Variants in NRXN1 observed in about 807,000 individuals in gnomAD.
NRXN1 encodes neurexin 1.
Under a neutral mutation model 150.9 loss-of-function variants are expected in NRXN1, and 39 were observed. That is an observed-to-expected ratio of 0.26 (90% CI 0.20 to 0.34). The LOEUF (loss-of-function observed/expected upper bound fraction) is 0.34, where lower values mean the gene tolerates loss of function less well. NRXN1 is among the 10% of genes least tolerant of loss of function. NRXN1 has a pLI of 1.00. For missense variants in NRXN1, 1,815 were observed against 1,949.9 expected (o/e 0.93, Z 1.30); for synonymous variants, 924 against 757.0 (o/e 1.22, Z -3.62).
At chr2:50,506,087 C>A (rs941766401) in intron 13 of NRXN1, among the ~76,000 whole-genome samples, 6 of 151,996 alleles carry the variant, frequency 3.9e-5, no homozygotes, top group Non-Finnish European at 7.4e-5. Context: ...GATAGATAAA[C>A]GCCAGTATAT....
At chr2:50,913,903 A>G (rs62142973) in intron 5 of NRXN1, among the ~76,000 whole-genome samples, 11,428 of 151,880 alleles carry the variant, frequency 0.075, 485 homozygotes, top group South Asian at 0.11. Flanking sequence ...GAAAACAACC[A>G]TTCTGAAAAG....
In NRXN1 at chr2:50,067,471, A is replaced by C. The variant is rs549904527; in HGVS notation, c.3719-12427T>G. On this transcript the variant is annotated intron_variant, in intron 19 of 22. Coordinates refer to ENST00000401669, the MANE Select transcript of NRXN1 (RefSeq NM_001330078.2). Reference sequence around the variant, plus strand: ...TTAAATTTTCTTCCCTACACCTTTAAATGCTGTTTGTTTCCCATTGCAAAG... The same window carrying C: ...TTAAATTTTCTTCCCTACACCTTTACATGCTGTTTGTTTCCCATTGCAAAG... Among the ~76,000 whole-genome samples the C allele has an allele frequency of 2.0e-5, 3 of 152,346 alleles. No individual in the cohort carries two copies. In the East Asian group the frequency reaches 5.8e-4, roughly 29 times the overall value.
intron 5 of NRXN1, among the ~76,000 whole-genome samples, chr2:50,873,415 T>C (rs2106110674): frequency 6.6e-6 from 1 of 151,964 alleles, no homozygotes; most frequent in Admixed American, 6.6e-5. Flanking sequence ...ATTATAACAT[T>C]CTATAATGAA....
intron 21 of NRXN1, among the ~76,000 whole-genome samples, chr2:50,001,690 G>C (rs552423125): frequency 8.5e-5 from 13 of 152,140 alleles, no homozygotes; most frequent in Admixed American, 3.9e-4. Flanking sequence ...ATAAATAAGA[G>C]ATTGGCACAT....
chr2:50,517,380 T>C (rs964324461), intron 12 of NRXN1, among the ~76,000 whole-genome samples: 3 of 148,430 alleles, frequency 2.0e-5, no homozygotes, highest in Non-Finnish European at 3.0e-5. Context: ...TAAGTATTTG[T>C]TGAATGGGTT....
chr2:50,251,058 G>A (rs7577177), intron 17 of NRXN1, among the ~76,000 whole-genome samples: 19,216 of 150,748 alleles, frequency 0.13, 1,341 homozygotes, highest in African/African-American at 0.16. Flanking sequence ...TGTTGTATAT[G>A]TATTACATAT....
At chr2:50,845,056 A>G (rs1384087467) in intron 5 of NRXN1, among the ~76,000 whole-genome samples, 2 of 151,606 alleles carry the variant, frequency 1.3e-5, no homozygotes, top group African/African-American at 2.4e-5. Flanking sequence ...AGGCTCCCCC[A>G]TATTGCCCAG....
intron 17 of NRXN1, among the ~76,000 whole-genome samples, chr2:50,253,791 A>C (rs751135379): frequency 3.3e-5 from 5 of 152,014 alleles, no homozygotes; most frequent in Non-Finnish European, 7.4e-5. Context: ...AAGCTTTTTG[A>C]TGTGCTGCTG....
intron 19 of NRXN1, among the ~76,000 whole-genome samples, chr2:50,080,028 G>A (rs1419785897): frequency 6.6e-6 from 1 of 152,060 alleles, no homozygotes; most frequent in African/African-American, 2.4e-5. Flanking sequence ...ATGCCATTCT[G>A]AGTAGCAAGA....
At chr2:50,892,590 A>G (rs992141971) in intron 5 of NRXN1, among the ~76,000 whole-genome samples, 1 of 152,172 alleles carries the variant, frequency 6.6e-6, no homozygotes, top group African/African-American at 2.4e-5. Flanking sequence ...GATAGTTGCA[A>G]TTGTCCAATC....
intron 17 of NRXN1, among the ~76,000 whole-genome samples, chr2:50,463,423 T>A (rs182228507): frequency 6.6e-6 from 1 of 151,774 alleles, no homozygotes; most frequent in Non-Finnish European, 1.5e-5. Context: ...GAAAACCCAC[T>A]AACAGGTAAT....
intron 5 of NRXN1, among the ~76,000 whole-genome samples, chr2:50,734,424 T>C (rs1043587230): frequency 6.6e-6 from 1 of 152,300 alleles, no homozygotes. Context: ...ATAAAATGAC[T>C]AACATGAAAC....
chr2:50,102,440 G>C (rs1001634869), intron 18 of NRXN1, among the ~76,000 whole-genome samples: 3 of 151,960 alleles, frequency 2.0e-5, no homozygotes. Context: ...AACACATGAA[G>C]TTCAGTATTC....
At chr2:50,268,658 T>C (rs115515842) in intron 17 of NRXN1, among the ~76,000 whole-genome samples, 3,583 of 152,266 alleles carry the variant, frequency 0.024, 139 homozygotes, top group African/African-American at 0.081. Context: ...ACCCAGACAA[T>C]GTCTGTAGGA....
chr2:50,938,943 G>C (rs923035404), intron 2 of NRXN1, among the ~76,000 whole-genome samples: 1 of 152,088 alleles, frequency 6.6e-6, no homozygotes, highest in Non-Finnish European at 1.5e-5. Context: ...TGAGCGCGGT[G>C]GCTCATGCCT....
intron 21 of NRXN1, among the ~76,000 whole-genome samples, chr2:50,013,703 C>A (rs897984469): frequency 1.3e-5 from 2 of 152,062 alleles, no homozygotes; most frequent in African/African-American, 4.8e-5. Context: ...TGGTGGAAAA[C>A]GTTTTTAAAT....
intron 17 of NRXN1, among the ~76,000 whole-genome samples, chr2:50,325,385 G>T (rs1186355016): frequency 2.0e-5 from 3 of 152,206 alleles, no homozygotes; most frequent in Non-Finnish European, 4.4e-5. Context: ...CCCCCACCAG[G>T]TCCCATGGCG....
At chr2:50,366,337 C>A (rs2079582144) in intron 17 of NRXN1, among the ~76,000 whole-genome samples, 1 of 151,660 alleles carries the variant, frequency 6.6e-6, no homozygotes, top group Non-Finnish European at 1.5e-5. Context: ...ATAGAAACAC[C>A]AAGATTCATC....
At chr2:50,916,777 T>C (rs748457518) in intron 5 of NRXN1, 6 of 151,776 alleles carry the variant, frequency 4.0e-5, no homozygotes, top group Non-Finnish European at 8.9e-5. Flanking sequence ...AAGGAATGTA[T>C]AATGACACAG....
Sources: allele counts gnomAD v4.1 joint callset (sites outside exome capture counted in the v4.1 genomes callset), GRCh38; gene constraint gnomAD v4.1.1; transcripts MANE v1.5; gene names NCBI Gene and HGNC (gene_info 2026-07-23, HGNC 2026-07-21).